The following GPLD1 variants were observed in gnomAD, a reference collection of about 807,000 sequenced individuals.
The protein encoded by GPLD1 is glycosylphosphatidylinositol specific phospholipase D1.
A neutral mutation model predicts 112.6 loss-of-function variants in GPLD1; 84 were observed. The observed-to-expected ratio is 0.75, with a 90% CI of 0.63 to 0.89. The LOEUF is 0.89. GPLD1 is among the 40% of genes least tolerant of loss of function. The pLI, the probability that GPLD1 is intolerant of heterozygous loss-of-function variation, is 0.00. For missense variants in GPLD1, 1,044 were observed against 1,051.5 expected, an observed-to-expected ratio of 0.99 and a Z score of 0.10; for synonymous variants, 386 against 403.8, an observed-to-expected ratio of 0.96 and a Z score of 0.53.
upstream of GPLD1, among the ~76,000 whole-genome samples, chr6:24,493,473 G>A (rs79396368): frequency 7.2e-4 from 109 of 152,116 alleles, no homozygotes; most frequent in Middle Eastern, 3.4e-3. Flanking sequence ...GAGTCTGTCG[G>A]TCTCACAAGA....
chr6:24,458,066 G>A (rs998994449), intron 12 of GPLD1, among the ~76,000 whole-genome samples: 3 of 151,114 alleles, frequency 2.0e-5, no homozygotes, highest in Non-Finnish European at 2.9e-5. Flanking sequence ...AAACACAAAC[G>A]AGAGTGGCCC....
In GPLD1 at chr6:24,472,769, T is replaced by C. The variant is rs148407968; in HGVS notation, c.491-133A>G. ...ACATGTTTTTGTTCATTGTTTTAGG[T>C]AAAGGCATGCCTTTTTTTTTTTTTA... On this transcript the variant is annotated intron_variant, in intron 6 of 24. Transcript: ENST00000230036. 5,138 of 622,646 alleles carry C rather than the reference T, an allele frequency of 8.3e-3. 80 individuals carry two copies. The highest frequency in any genetic ancestry group is 0.05 in the African/African-American group (2,663 of 52,734). The allele number at this position is 622,646 out of a possible 1,614,324, so 38.6% of individuals were successfully genotyped here.
chr6:24,459,190 C>A (rs1417284480), intron 12 of GPLD1, among the ~76,000 whole-genome samples: 2 of 152,148 alleles, frequency 1.3e-5, no homozygotes, highest in African/African-American at 4.8e-5. Context: ...TTGAATGTCC[C>A]CTCCTCCAGG....
rs934483638 is a variant in GPLD1 at position 24,438,890 on chromosome 6, G to A, written c.2021-1601C>T. 1.5e-4 allele frequency among the ~76,000 whole-genome samples: 23 copies of A among 152,170 alleles called. 1 individual carries two copies. Among genetic ancestry groups the A allele is most frequent in the Middle Eastern group, 6.8e-3 (2 of 294 alleles). ...CAACCTCCGCTTCCTGGGTTCAAGC[G>A]ATTCTCCTGCCTCAGCCTCCCGAGT... On this transcript the variant is annotated intron_variant, in intron 20 of 24. Transcript: ENST00000230036.
At chr6:24,464,519 C>T (rs1763535391) in intron 10 of GPLD1, among the ~76,000 whole-genome samples, 1 of 152,162 alleles carries the variant, frequency 6.6e-6, no homozygotes, top group South Asian at 2.1e-4. Flanking sequence ...ATGTACCAAG[C>T]TAAGGTCGAA....
chr6:24,486,579 G>C (rs1260654983), intron 1 of GPLD1, among the ~76,000 whole-genome samples: 3 of 152,206 alleles, frequency 2.0e-5, no homozygotes, highest in African/African-American at 4.8e-5. Context: ...AACTTTGGGA[G>C]GCCGAGGAGG....
chr6:24,453,928 T>C (rs1390145143), intron 14 of GPLD1, 87 bp downstream of exon 14: 2 of 814,184 alleles, frequency 2.5e-6, no homozygotes. Context: ...TTATTCTTGT[T>C]ATTAGTTACT....
chr6:24,489,620 C>T (rs1207240444), upstream of GPLD1: 10 of 1,525,938 alleles, frequency 6.6e-6, no homozygotes, highest in Admixed American at 4.4e-5. Flanking sequence ...CTAAGCAGGT[C>T]ACTGACCGAG....
At position 24,428,970 on chromosome 6, in the gene GPLD1, C is replaced by T. The variant is rs1762320576; in HGVS notation, c.*62G>A. 2.6e-6 allele frequency: 3 copies of T among 1,151,934 alleles called. No individual in the cohort carries two copies. In the Admixed American group the frequency reaches 5.8e-5, roughly 22 times the overall value. The allele number at this position is 1,151,934 out of a possible 1,614,324, so 71.4% of individuals were successfully genotyped here. On this transcript the variant is annotated 3_prime_UTR_variant, in exon 25 of 25. Coordinates refer to ENST00000230036, the MANE Select transcript of GPLD1 (RefSeq NM_001503.4). ...ATGTGCCACTTTGTCCATCAAAATG[C>T]TCACCATGGATGTGATTCAGCATGA...
intron 17 of GPLD1, among the ~76,000 whole-genome samples, chr6:24,447,537 T>TAACAAC (rs369286624): frequency 6.6e-5 from 10 of 151,242 alleles, no homozygotes; most frequent in Admixed American, 2.6e-4. Flanking sequence ...AAAACAACAA[T>TAACAAC]AACAACAACA....
At chr6:24,449,951 A>T (rs1238388745) in intron 14 of GPLD1, 52 bp from the exon 15 acceptor site, 1 of 1,298,974 alleles carries the variant, frequency 7.7e-7, no homozygotes, top group Non-Finnish European at 1.1e-6. Flanking sequence ...CCTCGGAAAG[A>T]GCACTCCTGA....
chr6:24,423,971 CAG>C (rs1366043143), downstream of GPLD1: 2 of 196,516 alleles, frequency 1.0e-5, no homozygotes, highest in East Asian at 2.3e-4. Flanking sequence ...CAAGCACAGA[CAG>C]TTGCATAGAT....
intron 20 of GPLD1, among the ~76,000 whole-genome samples, chr6:24,443,773 C>A (rs2127326417): frequency 6.6e-6 from 1 of 152,136 alleles, no homozygotes; most frequent in African/African-American, 2.4e-5. Context: ...AGGGTTCAAG[C>A]AATTGTTGTG....
intron 2 of GPLD1, among the ~76,000 whole-genome samples, chr6:24,485,322 G>A (rs1764334425): frequency 6.6e-6 from 1 of 152,130 alleles, no homozygotes; most frequent in South Asian, 2.1e-4. Flanking sequence ...AGGATTGCTT[G>A]AGCCCAGGAG....
At chr6:24,471,191 A>G (rs561378717) in intron 7 of GPLD1, among the ~76,000 whole-genome samples, 1 of 152,328 alleles carries the variant, frequency 6.6e-6, no homozygotes, top group South Asian at 2.1e-4. Context: ...ATACATATAC[A>G]TAACATTTTA....
intron 3 of GPLD1, among the ~76,000 whole-genome samples, chr6:24,477,600 C>T (rs1043530016): frequency 3.3e-5 from 5 of 151,894 alleles, no homozygotes; most frequent in African/African-American, 1.2e-4. Context: ...TATGGTGGTA[C>T]ACACCTATAG....
intron 1 of GPLD1, among the ~76,000 whole-genome samples, chr6:24,486,385 T>C (rs1297031474): frequency 6.6e-6 from 1 of 152,224 alleles, no homozygotes; most frequent in Non-Finnish European, 1.5e-5. Flanking sequence ...CTATGAGCTT[T>C]AGTGCTATTC....
At chr6:24,467,359 C>T (rs1295310575) in intron 7 of GPLD1, 85 bp from the exon 8 acceptor site, 5 of 780,388 alleles carry the variant, frequency 6.4e-6, no homozygotes, top group South Asian at 1.5e-5. Flanking sequence ...CCAGTTATTC[C>T]GTGATTATTT....
chr6:24,431,148 C>A (rs1402456865), intron 24 of GPLD1, among the ~76,000 whole-genome samples: 1 of 152,160 alleles, frequency 6.6e-6, no homozygotes, highest in Non-Finnish European at 1.5e-5. Flanking sequence ...GTTAATCCTA[C>A]ATTTTTAGAC....
Sources: allele counts gnomAD v4.1 joint callset (sites outside exome capture counted in the v4.1 genomes callset), GRCh38; gene constraint gnomAD v4.1.1; transcripts MANE v1.5; gene names NCBI Gene and HGNC (gene_info 2026-07-23, HGNC 2026-07-21).